ATP13A4: variants seen among roughly 807,000 people sequenced by gnomAD.
ATP13A4 encodes the protein probable cation-transporting ATPase 13A4.
ATP13A4 carries 114 observed loss-of-function variants against 142.5 expected under a neutral mutation model. That is an observed-to-expected ratio of 0.80 (90% CI 0.69 to 0.93). The LOEUF (loss-of-function observed/expected upper bound fraction) is 0.93. ATP13A4 is among the 40% of genes least tolerant of loss of function. The pLI, the probability that ATP13A4 is intolerant of heterozygous loss-of-function variation, is 0.00. For missense variants in ATP13A4, 1,392 were observed against 1,454.0 expected (o/e 0.96, Z 0.69); for synonymous variants, 488 against 514.8 (o/e 0.95, Z 0.70).
intron 17 of ATP13A4, among the ~76,000 whole-genome samples, chr3:193,453,296 G>T (rs1717390832): frequency 6.6e-6 from 1 of 152,170 alleles, no homozygotes; most frequent in South Asian, 2.1e-4. Context: ...ATAGTTACAA[G>T]AGAGTGTTGA....
At chr3:193,513,939 C>A (rs1721269272) in intron 2 of ATP13A4, among the ~76,000 whole-genome samples, 2 of 152,172 alleles carry the variant, frequency 1.3e-5, no homozygotes, top group South Asian at 2.1e-4. Flanking sequence ...TAGCCTATAG[C>A]CTGACTTGAC....
At chr3:193,418,401 G>C (rs913727270) in intron 25 of ATP13A4, among the ~76,000 whole-genome samples, 2 of 148,832 alleles carry the variant, frequency 1.3e-5, no homozygotes, top group African/African-American at 2.5e-5. Flanking sequence ...CTCCCACAAA[G>C]ACAACCAAAA....
chr3:193,554,446 G>T (rs1723777037), intron 1 of ATP13A4: 2 of 474,842 alleles, frequency 4.2e-6, no homozygotes, highest in East Asian at 8.4e-5. Context: ...GCTCAAACAA[G>T]AATCATAAAG....
intron 17 of ATP13A4, among the ~76,000 whole-genome samples, chr3:193,453,100 G>A (rs1717380783): frequency 1.3e-5 from 2 of 152,072 alleles, no homozygotes; most frequent in Non-Finnish European, 2.9e-5. Flanking sequence ...CTATACACAG[G>A]TACAAGCAAC....
chr3:193,477,792 A>T (rs573501183), intron 8 of ATP13A4, among the ~76,000 whole-genome samples: 1 of 152,146 alleles, frequency 6.6e-6, no homozygotes, highest in East Asian at 1.9e-4. Flanking sequence ...AGTGCTGGGG[A>T]GGTAACTGTC....
intron 25 of ATP13A4, among the ~76,000 whole-genome samples, chr3:193,415,653 A>T (rs990302342): frequency 6.6e-6 from 1 of 152,182 alleles, no homozygotes; most frequent in Non-Finnish European, 1.5e-5. Flanking sequence ...TGATGCAGGC[A>T]CTCATCTCTG....
chr3:193,514,331 G>A (rs13072555), intron 2 of ATP13A4, among the ~76,000 whole-genome samples: 3,359 of 152,194 alleles, frequency 0.022, 59 homozygotes, highest in Non-Finnish European at 0.033. Context: ...GACAACATGC[G>A]GTATTTGATT....
intron 11 of ATP13A4, 125 bp downstream of exon 11, chr3:193,465,900 G>T: frequency 9.1e-7 from 1 of 1,093,060 alleles, no homozygotes; most frequent in Non-Finnish European, 1.4e-6. Context: ...CTATACGTAG[G>T]CATCAGTGCT....
At chr3:193,408,975 T>C (rs1209989359) in intron 28 of ATP13A4, among the ~76,000 whole-genome samples, 1 of 152,240 alleles carries the variant, frequency 6.6e-6, no homozygotes, top group Non-Finnish European at 1.5e-5. Context: ...CTACTGTTTA[T>C]GTAAAAATGT....
chr3:193,536,785 T>C (rs929033426), intron 1 of ATP13A4, among the ~76,000 whole-genome samples: 3 of 152,166 alleles, frequency 2.0e-5, no homozygotes, highest in Middle Eastern at 3.4e-3. Flanking sequence ...GGATACAACA[T>C]AGACATACAA....
At chr3:193,583,795 T>A (rs1724618211) in intron 1 of ATP13A4, among the ~76,000 whole-genome samples, 2 of 152,112 alleles carry the variant, frequency 1.3e-5, no homozygotes, top group Admixed American at 6.6e-5. Flanking sequence ...TCCTTAAAAC[T>A]ACTTAAAAAG....
chr3:193,517,767 G>A (rs113568991), intron 1 of ATP13A4, among the ~76,000 whole-genome samples: 3,694 of 152,164 alleles, frequency 0.024, 145 homozygotes, highest in African/African-American at 0.083. Flanking sequence ...CACCACGCCC[G>A]GCCTACAACC....
At chr3:193,423,265 A>C (rs372408344) in intron 25 of ATP13A4, among the ~76,000 whole-genome samples, 1 of 149,596 alleles carries the variant, frequency 6.7e-6, no homozygotes, top group Non-Finnish European at 1.5e-5. Flanking sequence ...TGGCTTCTCC[A>C]CTGAATTCTA....
At chr3:193,415,979 C>T (rs1014117927) in intron 25 of ATP13A4, among the ~76,000 whole-genome samples, 1 of 152,210 alleles carries the variant, frequency 6.6e-6, no homozygotes, top group Non-Finnish European at 1.5e-5. Flanking sequence ...TATCTCCAGA[C>T]TCAGTGTAAG....
In ATP13A4 at chr3:193,469,837, G is replaced by C. The variant is rs541935683; in HGVS notation, c.943+1022C>G. Among the ~76,000 whole-genome samples the C allele has an allele frequency of 3.9e-5, 6 of 152,226 alleles. No homozygotes were observed. The East Asian group carries it at 9.6e-4, about 24-fold the overall frequency. On this transcript the variant is annotated intron_variant, in intron 9 of 29. Coordinates refer to ENST00000342695, the MANE Select transcript of ATP13A4 (RefSeq NM_032279.4). ...TCTGCAGAGTGGTCAATAGAAAGTCGGAGTTGCATTACAGTATATTAAGGC... is the reference window on the plus strand; with the variant it reads ...TCTGCAGAGTGGTCAATAGAAAGTCCGAGTTGCATTACAGTATATTAAGGC...
chr3:193,515,991 C>A (rs13317338), intron 1 of ATP13A4, among the ~76,000 whole-genome samples: 21,797 of 152,180 alleles, frequency 0.14, 1,675 homozygotes, highest in Non-Finnish European at 0.17. Context: ...ATAGCACCCA[C>A]ATGACAGGGT....
chr3:193,552,672 C>T (rs1226396447), intron 1 of ATP13A4, among the ~76,000 whole-genome samples: 2 of 152,118 alleles, frequency 1.3e-5, no homozygotes, highest in Non-Finnish European at 2.9e-5. Flanking sequence ...GAATGTTCTC[C>T]GGAAGAACTG....
chr3:193,462,742 C>G lies in ATP13A4; in HGVS notation c.1523+20G>C, dbSNP rs11716827. 68,608 of 1,607,966 alleles carry G rather than the reference C, an allele frequency of 0.043. 1,726 individuals are homozygous for G. The highest frequency in any genetic ancestry group is 0.048 in the Non-Finnish European group (56,102 of 1,174,544). ...AAGAGACACTAGAATGCATTTAGTC[C>G]AAGAGTCCAAGGTACTCACCCATTC... On this transcript the variant is annotated intron_variant, in intron 13 of 29. Transcript: ENST00000342695.
intron 27 of ATP13A4, 73 bp from the exon 28 acceptor site, chr3:193,411,143 A>G (rs890456781): frequency 1.0e-6 from 1 of 977,468 alleles, no homozygotes; most frequent in Middle Eastern, 2.1e-4. Flanking sequence ...TGACGGATGT[A>G]TTCTAGATTA....
Sources: gnomAD v4.1 joint callset for allele counts (sites outside exome capture counted in the v4.1 genomes callset) on GRCh38, gnomAD v4.1.1 for gene constraint, MANE v1.5 for transcripts, NCBI Gene and HGNC (gene_info 2026-07-23, HGNC 2026-07-21) for gene names.